The following TNR variants were observed in gnomAD, a reference collection of about 807,000 sequenced individuals.
The protein encoded by TNR is tenascin R.
A neutral mutation model predicts 150.4 loss-of-function variants in TNR; 45 were observed. The ratio of observed to expected loss-of-function variants is 0.30; its 90% CI spans 0.24 to 0.38. The LOEUF is 0.38. TNR is among the 10% of genes least tolerant of loss of function. The pLI, the probability that TNR is intolerant of heterozygous loss-of-function variation, is 1.00. For synonymous variants in TNR, 687 were observed against 678.4 expected, an observed-to-expected ratio of 1.01 and a Z score of -0.20; for missense variants, 1,544 against 1,759.1, an observed-to-expected ratio of 0.88 and a Z score of 2.19.
intron 20 of TNR, among the ~76,000 whole-genome samples, chr1:175,331,051 T>TTCTTTCCTTC (rs1649784704): frequency 2.2e-4 from 24 of 106,762 alleles, no homozygotes; most frequent in Admixed American, 1.6e-3. Flanking sequence ...CTTTCTTTCT[T>TTCTTTCCTTC]TCTTTCTTTC....
chr1:175,533,128 A>T (rs1279953535), intron 1 of TNR, among the ~76,000 whole-genome samples: 1 of 152,222 alleles, frequency 6.6e-6, no homozygotes, highest in Non-Finnish European at 1.5e-5. Flanking sequence ...TCTTGTACCT[A>T]CCTGGAACTA....
chr1:175,412,341 G>T (rs944260259), intron 2 of TNR, among the ~76,000 whole-genome samples: 11 of 152,136 alleles, frequency 7.2e-5, no homozygotes, highest in Non-Finnish European at 4.4e-5. Context: ...TCCTGACAGG[G>T]ATGACTTTGA....
intron 1 of TNR, among the ~76,000 whole-genome samples, chr1:175,717,297 A>G (rs1667181137): frequency 1.3e-5 from 2 of 152,058 alleles, no homozygotes; most frequent in Admixed American, 6.5e-5. Context: ...GTAGGGAGGG[A>G]GGTAGAGGGA....
intron 2 of TNR, among the ~76,000 whole-genome samples, chr1:175,477,777 T>C (rs138755396): frequency 6.6e-6 from 1 of 152,308 alleles, no homozygotes; most frequent in East Asian, 1.9e-4. Context: ...ACTCAGTCAG[T>C]TCTTATACAA....
intron 2 of TNR, among the ~76,000 whole-genome samples, chr1:175,409,115 G>C (rs2629485): frequency 0.38 from 57,640 of 152,128 alleles, 11,287 homozygotes; most frequent in East Asian, 0.54. Flanking sequence ...TGACTTTCTT[G>C]AGCATCACTT....
chr1:175,357,502 C>A (rs190860083), intron 15 of TNR, among the ~76,000 whole-genome samples: 9 of 152,276 alleles, frequency 5.9e-5, no homozygotes, highest in Middle Eastern at 6.8e-3. Flanking sequence ...AGGATATCAT[C>A]TTTTTAATGT....
At chr1:175,339,206 C>A (rs922034755) in intron 18 of TNR, among the ~76,000 whole-genome samples, 2 of 152,158 alleles carry the variant, frequency 1.3e-5, no homozygotes, top group East Asian at 3.8e-4. Flanking sequence ...GCTGTTTGCA[C>A]TCTACTAAAG....
At position 175,738,904 on chromosome 1, in the gene TNR, C is replaced by T. The variant is rs181103569; in HGVS notation, c.-165+4322G>A. Among the ~76,000 whole-genome samples, 13 of 152,298 alleles carry T rather than the reference C, an allele frequency of 8.5e-5. No individual in the cohort carries two copies. In the East Asian group the frequency reaches 2.5e-3, roughly 29 times the overall value. ...GGAAATCTCATCTTTATTAGCATAG[C>T]ACATCATCAAAATGAGGCAAAAGTG... On this transcript the variant is annotated intron_variant, in intron 1 of 22. Transcript: ENST00000367674.
intron 1 of TNR, among the ~76,000 whole-genome samples, chr1:175,581,263 G>A (rs748079010): frequency 1.1e-4 from 17 of 152,146 alleles, no homozygotes; most frequent in Admixed American, 6.5e-4. Context: ...AGGGGTTGCT[G>A]GATAGAATGC....
intron 3 of TNR, among the ~76,000 whole-genome samples, chr1:175,405,347 A>G (rs1204379259): frequency 6.6e-6 from 1 of 152,218 alleles, no homozygotes; most frequent in East Asian, 1.9e-4. Context: ...AGATGAGGAA[A>G]GGAAGGCACA....
At chr1:175,336,443 C>G (rs370924272) in intron 19 of TNR, among the ~76,000 whole-genome samples, 1 of 152,202 alleles carries the variant, frequency 6.6e-6, no homozygotes, top group Non-Finnish European at 1.5e-5. Context: ...CATTTTGCAC[C>G]AGGAAACATC....
chr1:175,543,421 C>T (rs984217063), intron 1 of TNR, among the ~76,000 whole-genome samples: 1 of 152,116 alleles, frequency 6.6e-6, no homozygotes, highest in Non-Finnish European at 1.5e-5. Flanking sequence ...AATATGAAGA[C>T]AAGAAGTTAG....
intron 1 of TNR, among the ~76,000 whole-genome samples, chr1:175,553,847 C>CACACACACACACACACACACAA (rs1661045248): frequency 6.6e-6 from 1 of 151,492 alleles, no homozygotes; most frequent in Non-Finnish European, 1.5e-5. Context: ...CACACACACA[C>CACACACACACACACACACACAA]AAACAATAAT....
chr1:175,546,169 G>A (rs1660678019), intron 1 of TNR, among the ~76,000 whole-genome samples: 1 of 152,172 alleles, frequency 6.6e-6, no homozygotes, highest in African/African-American at 2.4e-5. Flanking sequence ...AACAGAGGAG[G>A]AAGCCAAGCT....
intron 1 of TNR, among the ~76,000 whole-genome samples, chr1:175,709,308 T>TACACACACAC (rs371591261): frequency 0.043 from 5,454 of 127,664 alleles, 117 homozygotes; most frequent in East Asian, 0.084. Context: ...CACACACACA[T>TACACACACAC]ACACACACAC....
chr1:175,731,920 T>A (rs912053866), intron 1 of TNR, among the ~76,000 whole-genome samples: 7 of 152,210 alleles, frequency 4.6e-5, no homozygotes, highest in African/African-American at 1.7e-4. Flanking sequence ...CTTGGCATGG[T>A]TTGCTGCTGT....
At chr1:175,554,591 T>C (rs1661074759) in intron 1 of TNR, among the ~76,000 whole-genome samples, 1 of 152,178 alleles carries the variant, frequency 6.6e-6, no homozygotes, top group South Asian at 2.1e-4. Context: ...CAAAATTGTG[T>C]TTGCCAAGAG....
intron 11 of TNR, 62 bp downstream of exon 11, chr1:175,365,813 A>C: frequency 6.4e-7 from 1 of 1,563,512 alleles, no homozygotes; most frequent in Non-Finnish European, 8.7e-7. Context: ...TGCCTGAATG[A>C]ATTTCTCACA....
intron 1 of TNR, among the ~76,000 whole-genome samples, chr1:175,716,855 G>A (rs549992395): frequency 6.6e-6 from 1 of 152,236 alleles, no homozygotes; most frequent in East Asian, 1.9e-4. Context: ...TGTCCACATC[G>A]TCCTTTGTCA....
Sources: allele counts gnomAD v4.1 joint callset (sites outside exome capture counted in the v4.1 genomes callset), GRCh38; gene constraint gnomAD v4.1.1; transcripts MANE v1.5; gene names NCBI Gene and HGNC (gene_info 2026-07-23, HGNC 2026-07-21).